TXNRD1: variants seen among roughly 807,000 people sequenced by gnomAD.
The protein encoded by TXNRD1 is thioredoxin reductase 1, cytoplasmic.
In TXNRD1, 57 loss-of-function variants were observed where a neutral mutation model predicts 80.3. That is an observed-to-expected ratio of 0.71 (90% CI 0.57 to 0.89). TXNRD1 has a LOEUF of 0.89. Among genes scored for constraint, TXNRD1 ranks in the 40% least tolerant of loss-of-function variants. The pLI, the probability that TXNRD1 is intolerant of heterozygous loss-of-function variation, is 0.00. For synonymous variants in TXNRD1, 291 were observed against 285.2 expected (o/e 1.02, Z -0.20); for missense variants, 730 against 803.0 (o/e 0.91, Z 1.10).
rs1160158696 is a variant in TXNRD1 at position 104,349,463 on chromosome 12, CAT to C, written c.*1044_*1045del. 1 of 152,500 alleles carries C rather than the reference CAT, an allele frequency of 6.6e-6. No homozygotes were observed. Among genetic ancestry groups the C allele is most frequent in the Non-Finnish European group, 1.5e-5 (1 of 68,028 alleles). 9.4% of individuals were successfully genotyped at this position (152,500 alleles called of 1,614,324 possible). On this transcript the variant is annotated 3_prime_UTR_variant, in exon 17 of 17. Transcript: ENST00000525566. Reference sequence around the variant, plus strand: ...GCTTTTTAAAGGAAGTTATTAATATCATAAGTTATTATTAATATTTTGAACAC... The same window carrying C: ...GCTTTTTAAAGGAAGTTATTAATATCAAGTTATTATTAATATTTTGAACAC...
intron 16 of TXNRD1, chr12:104,346,191 A>C: frequency 3.4e-6 from 1 of 296,264 alleles, no homozygotes; most frequent in Admixed American, 4.1e-5. Flanking sequence ...ATATATATAT[A>C]TATTTGAGAC....
rs906901120 is a variant in TXNRD1 at position 104,287,011 on chromosome 12, C to G, written c.305-1920C>G. On this transcript the variant is annotated intron_variant, in intron 3 of 16. Coordinates refer to ENST00000525566, the MANE Select transcript of TXNRD1 (RefSeq NM_001093771.3). ...CTCGTAGCCATTAGGAAACAGCAAC[C>G]CTTTCACCTCAGTTTTCTTCACTCC... 7 of 1,343,016 alleles carry G rather than the reference C, an allele frequency of 5.2e-6. No individual in the cohort carries two copies. In the African/African-American group the frequency reaches 8.9e-5, roughly 17 times the overall value. The allele number at this position is 1,343,016 out of a possible 1,614,324, so 83.2% of individuals were successfully genotyped here.
In TXNRD1 at chr12:104,315,845, G is replaced by A; in HGVS notation, c.679G>A (p.Gly227Arg). The A allele has an allele frequency of 6.2e-7, 1 of 1,612,794 alleles. No homozygotes were observed. The highest frequency in any genetic ancestry group is 8.5e-7 in the Non-Finnish European group (1 of 1,179,128). ...ACTGATGCATCAAGCAGCTTTGTTA[G>A]GACAAGCCCTGCAAGACTCTCGAAA... Reference protein sequence around the residue: ...KKLMHQAALLGQALQDSRNYG... With the variant: ...KKLMHQAALLRQALQDSRNYG... The change falls in exon 7 of 17, where the codon GGA (glycine) becomes AGA (arginine). Residue 227 changes from glycine (G) to arginine (R), a missense_variant. Physicochemically the swap from Gly to Arg is moderately radical, Grantham distance 125. Coordinates refer to ENST00000525566, the MANE Select transcript of TXNRD1 (RefSeq NM_001093771.3).
intron 16 of TXNRD1, among the ~76,000 whole-genome samples, chr12:104,341,473 G>A (rs2036321011): frequency 6.6e-6 from 1 of 152,212 alleles, no homozygotes; most frequent in Non-Finnish European, 1.5e-5. Flanking sequence ...AATTCTGCCT[G>A]ACGGGTCCTA....
At chr12:104,310,121 T>G in intron 4 of TXNRD1, 1 of 1,481,028 alleles carries the variant, frequency 6.8e-7, no homozygotes, top group Non-Finnish European at 8.9e-7. Flanking sequence ...GGCTTTTTTT[T>G]GTTATTAAAG....
At chr12:104,221,449 C>T (rs2032356533) in intron 1 of TXNRD1, among the ~76,000 whole-genome samples, 1 of 152,154 alleles carries the variant, frequency 6.6e-6, no homozygotes, top group Non-Finnish European at 1.5e-5. Flanking sequence ...TCCCAAGTAG[C>T]TGGGATTACA....
intron 4 of TXNRD1, among the ~76,000 whole-genome samples, chr12:104,292,243 C>G (rs1360734468): frequency 2.6e-5 from 4 of 152,166 alleles, no homozygotes; most frequent in African/African-American, 9.7e-5. Context: ...AGGATGAAAG[C>G]TTTGCAGAAG....
intron 1 of TXNRD1, among the ~76,000 whole-genome samples, chr12:104,239,194 ATT>A (rs34563849): frequency 0.074 from 10,243 of 139,254 alleles, 431 homozygotes; most frequent in African/African-American, 0.12. Flanking sequence ...CTTTGTGGGA[ATT>A]TTTTTTTTTT....
At chr12:104,319,650 C>T in intron 9 of TXNRD1, 65 bp downstream of exon 9, 1 of 1,182,206 alleles carries the variant, frequency 8.5e-7, no homozygotes, top group Non-Finnish European at 1.2e-6. Context: ...CATTTTTCTT[C>T]AAACCCACTG....
chr12:104,254,642 A>ATATATATATATAT (rs1555207862), intron 2 of TXNRD1, among the ~76,000 whole-genome samples: 1 of 104,542 alleles, frequency 9.6e-6, no homozygotes, highest in African/African-American at 5.3e-5. Flanking sequence ...AAAAAAAAAA[A>ATATATATATATAT]AAATATATAT....
chr12:104,326,460 A>ATTTTTTT lies in TXNRD1; in HGVS notation c.1385+53_1385+59dup, dbSNP rs371884469. On this transcript the variant is annotated intron_variant, in intron 12 of 16. Coordinates refer to ENST00000525566, the MANE Select transcript of TXNRD1 (RefSeq NM_001093771.3). ...ATCTTTATTATGTCATATTTGTGGGATTTTTTTTTTTTTTTTTTTTTTGAG... is the reference window on the plus strand; with the variant it reads ...ATCTTTATTATGTCATATTTGTGGGATTTTTTTTTTTTTTTTTTTTTTTTTTTTTGAG... The ATTTTTTT allele has an allele frequency of 2.3e-4, 123 of 540,116 alleles. 22 individuals are homozygous for ATTTTTTT. Among genetic ancestry groups the ATTTTTTT allele is most frequent in the East Asian group, 2.8e-4 (5 of 17,780 alleles). The allele number at this position is 540,116 out of a possible 1,614,324, so 33.5% of individuals were successfully genotyped here. A position where few individuals can be genotyped will look rare whatever the true frequency, so the allele number is the denominator to read the frequency against.
chr12:104,277,480 T>G (rs1174087768), intron 3 of TXNRD1, among the ~76,000 whole-genome samples: 1 of 151,980 alleles, frequency 6.6e-6, no homozygotes, highest in African/African-American at 2.4e-5. Context: ...TGAGGATCAT[T>G]TAAACCCAGG....
intron 3 of TXNRD1, chr12:104,287,014 T>G: frequency 2.2e-6 from 3 of 1,348,278 alleles, no homozygotes; most frequent in Non-Finnish European, 2.9e-6. Flanking sequence ...CAGCAACCCT[T>G]TCACCTCAGT....
chr12:104,241,937 A>ATTTTTTTTTTTTTT (rs747774973), intron 1 of TXNRD1, among the ~76,000 whole-genome samples: 9 of 96,082 alleles, frequency 9.4e-5, no homozygotes, highest in Non-Finnish European at 1.5e-4. Context: ...TATACTAATG[A>ATTTTTTTTTTTTTT]TTTTTTTTTT....
intron 3 of TXNRD1, among the ~76,000 whole-genome samples, chr12:104,271,379 G>A (rs1431304465): frequency 2.1e-4 from 32 of 151,846 alleles, no homozygotes; most frequent in Non-Finnish European, 4.1e-4. Flanking sequence ...GGGTTTCACC[G>A]TGTTAGCCAG....
Position 104,318,890 on chromosome 12 carries a change from T to G in TXNRD1, c.731-23T>G, listed in dbSNP as rs776950644. On this transcript the variant is annotated intron_variant, in intron 7 of 16. Transcript: ENST00000525566. ...CCAGCAGTTGAAAAGCCAAACAAGA[T>G]TTTGTTTTATTTTCTTATACAGTTA... The G allele has an allele frequency of 4.4e-6, 7 of 1,584,330 alleles. No individual in the cohort carries two copies. The highest frequency in any genetic ancestry group is 6.0e-6 in the Non-Finnish European group (7 of 1,167,800).
chr12:104,256,646 G>A (rs1055176402), intron 2 of TXNRD1, among the ~76,000 whole-genome samples: 1 of 151,944 alleles, frequency 6.6e-6, no homozygotes, highest in Non-Finnish European at 1.5e-5. Flanking sequence ...GGGTGTGGTG[G>A]CGCATGCCTG....
chr12:104,253,893 A>G (rs1295849387), intron 2 of TXNRD1, among the ~76,000 whole-genome samples: 1 of 152,076 alleles, frequency 6.6e-6, no homozygotes, highest in Non-Finnish European at 1.5e-5. Flanking sequence ...GGGTTTCACT[A>G]TGTGGCCAGG....
Position 104,286,796 on chromosome 12 carries a change from A to C in TXNRD1, c.305-2135A>C. ...CCAAATTTGGTTCCAGAATTGCCTT[A>C]AATTGTTTTTGCTCTGTTCTTAGGT... On this transcript the variant is annotated intron_variant, in intron 3 of 16. Transcript: ENST00000525566. The C allele has an allele frequency of 3.9e-6, 4 of 1,019,714 alleles. No homozygotes were observed. The African/African-American group carries it at 6.9e-5, about 18-fold the overall frequency. The allele number at this position is 1,019,714 out of a possible 1,614,324, so 63.2% of individuals were successfully genotyped here.
Sources: gnomAD v4.1 joint callset for allele counts (sites outside exome capture counted in the v4.1 genomes callset) on GRCh38, gnomAD v4.1.1 for gene constraint, MANE v1.5 for transcripts, NCBI Gene and HGNC (gene_info 2026-07-23, HGNC 2026-07-21) for gene names.